Variants in ZFAND3 observed in about 807,000 individuals in gnomAD.
ZFAND3 encodes AN1-type zinc finger protein 3.
In ZFAND3, 10 loss-of-function variants were observed where a neutral mutation model predicts 29.6. The ratio of observed to expected loss-of-function variants is 0.34; its 90% CI spans 0.21 to 0.57. The LOEUF (loss-of-function observed/expected upper bound fraction) is 0.57. ZFAND3 is among the 20% of genes least tolerant of loss of function. ZFAND3 has a pLI of 0.86. For missense variants in ZFAND3, 230 were observed against 304.5 expected, an observed-to-expected ratio of 0.76 and a Z score of 1.82; for synonymous variants, 128 against 112.6, an observed-to-expected ratio of 1.14 and a Z score of -0.87.
chr6:37,961,825 G>A (rs1288204827), intron 2 of ZFAND3, among the ~76,000 whole-genome samples: 1 of 152,224 alleles, frequency 6.6e-6, no homozygotes, highest in African/African-American at 2.4e-5. Flanking sequence ...CCCTAAAGCA[G>A]ATACAGCTTA....
intron 2 of ZFAND3, among the ~76,000 whole-genome samples, chr6:38,021,642 G>A (rs1763353874): frequency 6.6e-6 from 1 of 152,202 alleles, no homozygotes; most frequent in Non-Finnish European, 1.5e-5. Context: ...TGTGGTAAAT[G>A]TCTGAAGATA....
chr6:38,154,485 C>G lies in ZFAND3; in HGVS notation c.*2096C>G. 5 of 983,768 alleles carry G rather than the reference C, an allele frequency of 5.1e-6. No homozygotes were observed. Among genetic ancestry groups the G allele is most frequent in the Non-Finnish European group, 6.0e-6 (5 of 828,102 alleles). The allele number at this position is 983,768 out of a possible 1,614,324, so 60.9% of individuals were successfully genotyped here. A position where few individuals can be genotyped will look rare whatever the true frequency, so the allele number is the denominator to read the frequency against. On this transcript the variant is annotated 3_prime_UTR_variant, in exon 6 of 6. Transcript: ENST00000287218. ...CTTTAAAAGAGAAAATCTTATTTAA[C>G]CCTTTTGTGTTCTAGATTTACTTAC...
At position 37,900,308 on chromosome 6, in the gene ZFAND3, C is replaced by CTCT. The variant is rs746549271; in HGVS notation, c.72-29649_72-29647dup. Among the ~76,000 whole-genome samples the CTCT allele has an allele frequency of 3.3e-5, 5 of 152,098 alleles. No individual in the cohort carries two copies. In the South Asian group the frequency reaches 1.0e-3, roughly 31 times the overall value. Reference sequence around the variant, plus strand: ...TCTGAGAACATTACATAGCAAAGTACTCTTTCAGTACTCTTGAGAATTAGA... The same window carrying CTCT: ...TCTGAGAACATTACATAGCAAAGTACTCTTCTTTCAGTACTCTTGAGAATTAGA... On this transcript the variant is annotated intron_variant, in intron 1 of 5. Transcript: ENST00000287218.
chr6:37,934,529 TAAAAAA>T (rs34477813), intron 2 of ZFAND3, among the ~76,000 whole-genome samples: 183 of 125,348 alleles, frequency 1.5e-3, no homozygotes, highest in African/African-American at 5.1e-3. Context: ...TTAGTCTATT[TAAAAAA>T]AAAAAAAAAA....
chr6:38,015,497 T>C (rs918194081), intron 2 of ZFAND3, among the ~76,000 whole-genome samples: 12 of 152,196 alleles, frequency 7.9e-5, no homozygotes, highest in Admixed American at 7.2e-4. Flanking sequence ...TACAAGAGTA[T>C]TCATCATAGC....
chr6:37,948,188 G>GA (rs1761934913), intron 2 of ZFAND3, among the ~76,000 whole-genome samples: 1 of 152,282 alleles, frequency 6.6e-6, no homozygotes, highest in South Asian at 2.1e-4. Context: ...AACAGAGAGG[G>GA]ATAGTGAAAT....
intron 5 of ZFAND3, among the ~76,000 whole-genome samples, chr6:38,137,851 C>G (rs1263437468): frequency 6.6e-6 from 1 of 152,162 alleles, no homozygotes; most frequent in Admixed American, 6.5e-5. Context: ...GAAGAGAAAG[C>G]TGGCCAGCCC....
chr6:37,891,416 T>TCCCCGCC (rs1554153093), intron 1 of ZFAND3, among the ~76,000 whole-genome samples: 31 of 117,186 alleles, frequency 2.6e-4, no homozygotes, highest in African/African-American at 1.1e-3. Context: ...GAGATTTCAG[T>TCCCCGCC]CCCCCCCCCC....
chr6:38,074,203 T>C (rs916180887), intron 3 of ZFAND3, among the ~76,000 whole-genome samples: 2 of 152,214 alleles, frequency 1.3e-5, no homozygotes, highest in Admixed American at 1.3e-4. Flanking sequence ...TGTAATAGTG[T>C]GCTTTCTTCA....
chr6:38,016,391 G>A (rs995198639), intron 2 of ZFAND3, among the ~76,000 whole-genome samples: 10 of 152,024 alleles, frequency 6.6e-5, no homozygotes, highest in African/African-American at 2.4e-4. Context: ...ATACAATATC[G>A]CTTCTTTTCT....
At chr6:38,128,330 CTT>C (rs757454841) in intron 5 of ZFAND3, among the ~76,000 whole-genome samples, 2 of 152,172 alleles carry the variant, frequency 1.3e-5, no homozygotes, top group Non-Finnish European at 2.9e-5. Context: ...TGATTCCCCT[CTT>C]TTAAAATTTT....
intron 1 of ZFAND3, among the ~76,000 whole-genome samples, chr6:37,890,104 G>C (rs959060756): frequency 3.3e-5 from 5 of 152,136 alleles, no homozygotes; most frequent in African/African-American, 1.2e-4. Flanking sequence ...GCTAATAATA[G>C]CATGAGTCCT....
At chr6:38,041,079 T>C (rs1763750571) in intron 2 of ZFAND3, among the ~76,000 whole-genome samples, 1 of 152,178 alleles carries the variant, frequency 6.6e-6, no homozygotes, top group South Asian at 2.1e-4. Flanking sequence ...ACCTTTGATA[T>C]TAGTAAGGGG....
chr6:37,868,972 GC>G (rs1452513182), intron 1 of ZFAND3, among the ~76,000 whole-genome samples: 1 of 152,142 alleles, frequency 6.6e-6, no homozygotes, highest in Non-Finnish European at 1.5e-5. Flanking sequence ...GTGAATATTC[GC>G]ATTTGATAAC....
At chr6:37,879,464 T>C (rs547898470) in intron 1 of ZFAND3, among the ~76,000 whole-genome samples, 15 of 152,306 alleles carry the variant, frequency 9.8e-5, no homozygotes, top group Non-Finnish European at 1.5e-4. Context: ...TGGACTTGCA[T>C]ACTTGGGTTA....
At chr6:38,067,921 T>C (rs1764377805) in intron 3 of ZFAND3, among the ~76,000 whole-genome samples, 2 of 152,172 alleles carry the variant, frequency 1.3e-5, no homozygotes, top group South Asian at 4.1e-4. Flanking sequence ...ACTAGCATAT[T>C]GAATGGAAAT....
At chr6:37,885,363 G>A (rs542079294) in intron 1 of ZFAND3, among the ~76,000 whole-genome samples, 1 of 152,204 alleles carries the variant, frequency 6.6e-6, no homozygotes, top group East Asian at 1.9e-4. Flanking sequence ...GAAGATCTGG[G>A]CTAGACGCGG....
At chr6:37,925,249 A>G (rs1761461449) in intron 1 of ZFAND3, among the ~76,000 whole-genome samples, 2 of 152,232 alleles carry the variant, frequency 1.3e-5, no homozygotes, top group African/African-American at 2.4e-5. Context: ...GAGAAGACCA[A>G]TAAAAAGCTA....
chr6:37,907,434 T>G (rs1306558895), intron 1 of ZFAND3, among the ~76,000 whole-genome samples: 2 of 152,212 alleles, frequency 1.3e-5, no homozygotes, highest in Non-Finnish European at 2.9e-5. Flanking sequence ...ATGCTTTCTG[T>G]TACTCTTGAT....
Sources: allele counts gnomAD v4.1 joint callset (sites outside exome capture counted in the v4.1 genomes callset), GRCh38; gene constraint gnomAD v4.1.1; transcripts MANE v1.5; gene names NCBI Gene and HGNC (gene_info 2026-07-23, HGNC 2026-07-21).